UGGT2: variants seen among roughly 807,000 people sequenced by gnomAD.
UGGT2 encodes the protein UDP-glucose glycoprotein glucosyltransferase 2.
In UGGT2, 180 loss-of-function variants were observed where a neutral mutation model predicts 192.1. That is an observed-to-expected ratio of 0.94 (90% confidence interval 0.83 to 1.06). The LOEUF (loss-of-function observed/expected upper bound fraction) is 1.06, where lower values mean the gene tolerates loss of function less well. Ranked by LOEUF, UGGT2 falls within the 50% of genes least tolerant of loss-of-function variation. UGGT2 has a pLI of 0.00. For missense variants in UGGT2, 1,849 were observed against 1,795.7 expected (o/e 1.03, Z -0.54); for synonymous variants, 580 against 591.0 (o/e 0.98, Z 0.27).
At chr13:95,882,065 T>G (rs1566631432) in intron 27 of UGGT2, among the ~76,000 whole-genome samples, 1 of 152,066 alleles carries the variant, frequency 6.6e-6, no homozygotes. Flanking sequence ...CGTGTCACCA[T>G]GCCCGGCTAA....
intron 1 of UGGT2, among the ~76,000 whole-genome samples, chr13:96,043,605 G>T (rs905878715): frequency 1.3e-5 from 2 of 152,028 alleles, no homozygotes; most frequent in Non-Finnish European, 2.9e-5. Flanking sequence ...CCAACCATCT[G>T]CTGTCTTCAA....
Position 95,862,235 on chromosome 13 carries a change from G to A in UGGT2, c.3645-1352C>T, listed in dbSNP as rs183401546. ...ACTATAGAAAAAGAGGCTTAAACTG[G>A]GCAAAATCCAAAATGATAGAAGTGC... On this transcript the variant is annotated intron_variant, in intron 31 of 38. Transcript: ENST00000376747. Among the ~76,000 whole-genome samples the A allele has an allele frequency of 5.9e-5, 9 of 152,008 alleles. No homozygotes were observed. The East Asian group carries it at 1.7e-3, about 29-fold the overall frequency.
chr13:95,957,603 G>A (rs1469140141), intron 12 of UGGT2, among the ~76,000 whole-genome samples: 1 of 152,198 alleles, frequency 6.6e-6, no homozygotes, highest in African/African-American at 2.4e-5. Flanking sequence ...TGCAGAGTGT[G>A]GGGACAATGG....
chr13:96,031,509 G>T (rs1222409844), intron 2 of UGGT2, among the ~76,000 whole-genome samples: 1 of 152,004 alleles, frequency 6.6e-6, no homozygotes, highest in Non-Finnish European at 1.5e-5. Flanking sequence ...TAGAAACAGG[G>T]TCTTGCTATA....
At chr13:95,829,712 G>A (rs1286417655) in intron 38 of UGGT2, among the ~76,000 whole-genome samples, 1 of 152,160 alleles carries the variant, frequency 6.6e-6, no homozygotes, top group Non-Finnish European at 1.5e-5. Flanking sequence ...TCATGGACAG[G>A]AAGAATCAGT....
At chr13:95,964,133 G>A (rs907243164) in intron 12 of UGGT2, among the ~76,000 whole-genome samples, 5 of 152,268 alleles carry the variant, frequency 3.3e-5, no homozygotes, top group Non-Finnish European at 4.4e-5. Context: ...CAGACCAATG[G>A]AAGAGAACAG....
intron 7 of UGGT2, 154 bp from the exon 8 acceptor site, chr13:95,990,227 C>T (rs1466835107): frequency 7.1e-6 from 3 of 424,586 alleles, no homozygotes; most frequent in African/African-American, 2.0e-5. Context: ...GCTATATTCA[C>T]GGAACTTAAA....
chr13:95,904,169 A>G (rs1441392970), intron 20 of UGGT2, among the ~76,000 whole-genome samples: 1 of 152,096 alleles, frequency 6.6e-6, no homozygotes, highest in Non-Finnish European at 1.5e-5. Context: ...ATGTGTTATA[A>G]TGGGAAGCAG....
intron 7 of UGGT2, 150 bp downstream of exon 7, chr13:95,995,913 T>G: frequency 1.5e-6 from 1 of 670,506 alleles, no homozygotes; most frequent in Non-Finnish European, 2.6e-6. Flanking sequence ...CATGTGTTAC[T>G]TCTGTAATAA....
intron 21 of UGGT2, among the ~76,000 whole-genome samples, chr13:95,902,567 G>A (rs530696137): frequency 2.8e-4 from 43 of 151,102 alleles, no homozygotes; most frequent in Non-Finnish European, 5.0e-4. Flanking sequence ...TGAGATTTAC[G>A]TAACGCTTTA....
At chr13:96,028,078 AT>A (rs1298895566) in intron 2 of UGGT2, among the ~76,000 whole-genome samples, 3 of 152,176 alleles carry the variant, frequency 2.0e-5, no homozygotes, top group Admixed American at 1.3e-4. Flanking sequence ...GCACTATTTT[AT>A]TCTCATTCTG....
At chr13:95,892,310 G>A (rs2047824889) in intron 24 of UGGT2, among the ~76,000 whole-genome samples, 1 of 152,034 alleles carries the variant, frequency 6.6e-6, no homozygotes, top group Admixed American at 6.6e-5. Flanking sequence ...CTAGTAGATA[G>A]TACACTGACT....
chr13:95,931,914 C>T (rs528969557), intron 17 of UGGT2, among the ~76,000 whole-genome samples: 6 of 152,300 alleles, frequency 3.9e-5, no homozygotes, highest in East Asian at 1.9e-4. Context: ...AAGGGCTCCT[C>T]GAGCATGGCC....
Position 95,819,002 on chromosome 13 carries a change from G to A in UGGT2, c.4528+13925C>T, listed in dbSNP as rs150901560. The stretch of plus-strand genomic sequence containing the variant: ...TCCCTAGGATCCTCCTGTGCTCCAA[G>A]TCTAGGAAACTCTTTCATTCAAAAA... On this transcript the variant is annotated intron_variant, in intron 38 of 38. Transcript: ENST00000376747. 1.6e-4 allele frequency among the ~76,000 whole-genome samples: 24 copies of A among 152,220 alleles called. 1 individual carries two copies. Among genetic ancestry groups the A allele is most frequent in the African/African-American group, 5.5e-4 (23 of 41,538 alleles).
chr13:96,045,429 G>C (rs1486955608), intron 1 of UGGT2, among the ~76,000 whole-genome samples: 1 of 152,020 alleles, frequency 6.6e-6, no homozygotes, highest in Non-Finnish European at 1.5e-5. Flanking sequence ...CTGGAACAAG[G>C]CAACCATGCC....
chr13:95,849,406 G>T (rs1364201925), intron 36 of UGGT2, among the ~76,000 whole-genome samples: 2 of 151,926 alleles, frequency 1.3e-5, no homozygotes, highest in Non-Finnish European at 2.9e-5. Flanking sequence ...AGCTGGGCGT[G>T]GTGGCAAGCG....
intron 12 of UGGT2, among the ~76,000 whole-genome samples, chr13:95,963,981 T>C (rs1361307308): frequency 6.6e-6 from 1 of 151,780 alleles, no homozygotes; most frequent in African/African-American, 2.4e-5. Flanking sequence ...TTTTCAGAGA[T>C]AGAAAAAAAA....
intron 12 of UGGT2, among the ~76,000 whole-genome samples, chr13:95,962,425 C>G (rs1409764736): frequency 6.6e-6 from 1 of 151,952 alleles, no homozygotes; most frequent in Non-Finnish European, 1.5e-5. Context: ...AAACTATACA[C>G]TAACAAACTG....
chr13:96,006,202 A>C (rs1184039122), intron 5 of UGGT2, among the ~76,000 whole-genome samples: 1 of 152,248 alleles, frequency 6.6e-6, no homozygotes, highest in African/African-American at 2.4e-5. Flanking sequence ...AGTGATCAGA[A>C]AGGAAAATTC....
Sources: allele counts gnomAD v4.1 joint callset (sites outside exome capture counted in the v4.1 genomes callset), GRCh38; gene constraint gnomAD v4.1.1; transcripts MANE v1.5; gene names NCBI Gene and HGNC (gene_info 2026-07-23, HGNC 2026-07-21).